The following DLGAP1 variants were observed in gnomAD, a reference collection of about 807,000 sequenced individuals.
DLGAP1 encodes disks large-associated protein 1.
DLGAP1 carries 11 observed loss-of-function variants against 90.8 expected under a neutral mutation model. That is an observed-to-expected ratio of 0.12 (90% confidence interval 0.08 to 0.20). The LOEUF (loss-of-function observed/expected upper bound fraction) is 0.20. Among genes scored for constraint, DLGAP1 ranks in the 10% least tolerant of loss-of-function variants. The pLI, the probability that DLGAP1 is intolerant of heterozygous loss-of-function variation, is 1.00. For synonymous variants in DLGAP1, 558 were observed against 540.7 expected (o/e 1.03, Z -0.44); for missense variants, 1,050 against 1,333.8 (o/e 0.79, Z 3.31).
chr18:4,382,065 T>G (rs1274842432), intron 1 of DLGAP1, among the ~76,000 whole-genome samples: 1 of 152,120 alleles, frequency 6.6e-6, no homozygotes, highest in Non-Finnish European at 1.5e-5. Flanking sequence ...TTCAATTATT[T>G]CCCACTAGGT....
At chr18:4,087,747 T>A (rs1439002043) in intron 2 of DLGAP1, among the ~76,000 whole-genome samples, 1 of 152,188 alleles carries the variant, frequency 6.6e-6, no homozygotes, top group Non-Finnish European at 1.5e-5. Flanking sequence ...TTTTTTTACA[T>A]TTATATGCTA....
chr18:3,702,021 G>A (rs1175976214), intron 7 of DLGAP1, among the ~76,000 whole-genome samples: 1 of 152,134 alleles, frequency 6.6e-6, no homozygotes, highest in African/African-American at 2.4e-5. Context: ...TGAGTACCCT[G>A]ACACTACCTT....
At chr18:4,009,220 G>C (rs1025466551) in intron 2 of DLGAP1, among the ~76,000 whole-genome samples, 2 of 152,142 alleles carry the variant, frequency 1.3e-5, no homozygotes, top group African/African-American at 4.8e-5. Flanking sequence ...AGTCTCTTTA[G>C]ACTCCACTTG....
chr18:4,045,746 C>T (rs1292888451), intron 2 of DLGAP1, among the ~76,000 whole-genome samples: 1 of 150,626 alleles, frequency 6.6e-6, no homozygotes, highest in African/African-American at 2.4e-5. Context: ...TATATTTTAC[C>T]ACTATTTGGC....
At chr18:3,947,382 T>C (rs1448001241) in intron 3 of DLGAP1, among the ~76,000 whole-genome samples, 9 of 152,234 alleles carry the variant, frequency 5.9e-5, no homozygotes, top group Admixed American at 5.2e-4. Flanking sequence ...TCTTCCAAAA[T>C]GGTAGATGTC....
intron 4 of DLGAP1, among the ~76,000 whole-genome samples, chr18:3,856,017 G>A (rs1224828100): frequency 6.6e-6 from 1 of 152,232 alleles, no homozygotes; most frequent in Non-Finnish European, 1.5e-5. Context: ...AATGGAAAGT[G>A]CCATTGGGGT....
chr18:4,109,975 CAT>C, intron 2 of DLGAP1, among the ~76,000 whole-genome samples: 1 of 151,682 alleles, frequency 6.6e-6, no homozygotes, highest in East Asian at 1.9e-4. Flanking sequence ...TGTATACATA[CAT>C]ATATGTTTCA....
intron 7 of DLGAP1, among the ~76,000 whole-genome samples, chr18:3,672,605 AAAAAGTT>A (rs2060136010): frequency 8.6e-6 from 1 of 116,412 alleles, no homozygotes; most frequent in Admixed American, 7.7e-5. Context: ...AAAAAAAAAA[AAAAAGTT>A]AATGAGAAAC....
intron 10 of DLGAP1, among the ~76,000 whole-genome samples, chr18:3,533,645 G>C (rs2052155940): frequency 6.6e-6 from 1 of 152,158 alleles, no homozygotes; most frequent in Non-Finnish European, 1.5e-5. Context: ...TGTGATCATA[G>C]CTCACTGCAG....
chr18:3,623,498 G>A (rs1567852798), intron 7 of DLGAP1, among the ~76,000 whole-genome samples: 1 of 152,110 alleles, frequency 6.6e-6, no homozygotes, highest in Non-Finnish European at 1.5e-5. Flanking sequence ...GTGTGAAAAG[G>A]AAAAGCCAGC....
intron 5 of DLGAP1, among the ~76,000 whole-genome samples, chr18:3,810,539 A>G (rs895591094): frequency 5.9e-5 from 9 of 151,408 alleles, no homozygotes; most frequent in East Asian, 1.9e-4. Flanking sequence ...GGAAGGAGGG[A>G]AAAAAAAATC....
chr18:4,306,081 G>GGAGA (rs142976459), intron 1 of DLGAP1, among the ~76,000 whole-genome samples: 26 of 143,796 alleles, frequency 1.8e-4, no homozygotes, highest in South Asian at 1.1e-3. Context: ...AGAGGGGGGC[G>GGAGA]GAGAGAGAGA....
chr18:4,453,043 T>C (rs2047462384), intron 1 of DLGAP1, among the ~76,000 whole-genome samples: 1 of 152,222 alleles, frequency 6.6e-6, no homozygotes, highest in South Asian at 2.1e-4. Flanking sequence ...TCTTCTTTAC[T>C]CACACAAGGT....
At chr18:3,777,625 T>TCAA (rs2148084242) in intron 5 of DLGAP1, among the ~76,000 whole-genome samples, 1 of 149,066 alleles carries the variant, frequency 6.7e-6, no homozygotes, top group Non-Finnish European at 1.5e-5. Flanking sequence ...ATGATGATCA[T>TCAA]CTCCTCTTGA....
Position 3,594,398 on chromosome 18 carries a change from C to T in DLGAP1, c.1592-12150G>A, listed in dbSNP as rs1190357813. On this transcript the variant is annotated intron_variant, in intron 7 of 12. Transcript: ENST00000315677. Reference sequence around the variant, plus strand: ...AAGTCTGTAAAAAACAAAACATTGACGCGGGCAGTCCTACTCTCTAGTGTC... The same window carrying T: ...AAGTCTGTAAAAAACAAAACATTGATGCGGGCAGTCCTACTCTCTAGTGTC... 5 of 125,136 alleles carry T rather than the reference C, an allele frequency of 4.0e-5. No homozygotes were observed. The Admixed American group carries it at 5.1e-4, about 13-fold the overall frequency. 7.8% of individuals were successfully genotyped at this position (125,136 alleles called of 1,614,324 possible). A position where few individuals can be genotyped will look rare whatever the true frequency, so the allele number is the denominator to read the frequency against.
intron 3 of DLGAP1, among the ~76,000 whole-genome samples, chr18:3,937,900 T>C (rs1259682860): frequency 6.6e-6 from 1 of 152,182 alleles, no homozygotes; most frequent in Non-Finnish European, 1.5e-5. Context: ...AAGCGAGCTC[T>C]TTAGACCCTC....
chr18:3,573,219 T>G lies in DLGAP1; in HGVS notation c.1966-5638A>C, dbSNP rs143003567. 5.4e-3 allele frequency among the ~76,000 whole-genome samples: 829 copies of G among 152,116 alleles called. 4 individuals are homozygous for G. Among genetic ancestry groups the G allele is most frequent in the African/African-American group, 0.018 (760 of 41,518 alleles). ...TTTGATTAAAATATATTAAGAATCT[T>G]GTCTGGGCGCAGTGGTTCACACCTG... On this transcript the variant is annotated intron_variant, in intron 8 of 12. Coordinates refer to ENST00000315677, the MANE Select transcript of DLGAP1 (RefSeq NM_004746.4).
At chr18:4,228,583 A>G (rs2145033807) in intron 1 of DLGAP1, among the ~76,000 whole-genome samples, 1 of 152,188 alleles carries the variant, frequency 6.6e-6, no homozygotes, top group South Asian at 2.1e-4. Context: ...GAAGGATAAC[A>G]ACCATGTGAT....
At chr18:3,936,480 T>C (rs1599184381) in intron 3 of DLGAP1, among the ~76,000 whole-genome samples, 1 of 152,174 alleles carries the variant, frequency 6.6e-6, no homozygotes, top group African/African-American at 2.4e-5. Flanking sequence ...AAGGATGGCT[T>C]CCCCCTTGTT....
Sources: gnomAD v4.1 joint callset for allele counts (sites outside exome capture counted in the v4.1 genomes callset) on GRCh38, gnomAD v4.1.1 for gene constraint, MANE v1.5 for transcripts, NCBI Gene and HGNC (gene_info 2026-07-23, HGNC 2026-07-21) for gene names.